Variants in PIP5K1B observed in about 807,000 individuals in gnomAD.
PIP5K1B encodes the protein phosphatidylinositol-4-phosphate 5-kinase type 1 beta.
In PIP5K1B, 42 loss-of-function variants were observed where a neutral mutation model predicts 67.0. The ratio of observed to expected loss-of-function variants is 0.63; its 90% CI spans 0.49 to 0.81. The LOEUF is 0.81. Ranked by LOEUF, PIP5K1B falls within the 30% of genes least tolerant of loss-of-function variation. The pLI is 0.00. For missense variants in PIP5K1B, 459 were observed against 646.3 expected (o/e 0.71, Z 3.14); for synonymous variants, 214 against 231.4 (o/e 0.92, Z 0.68).
chr9:68,783,337 T>G (rs1344228907), intron 2 of PIP5K1B: 1 of 166,908 alleles, frequency 6.0e-6, no homozygotes, highest in Non-Finnish European at 1.5e-5. Context: ...TCATGTACTT[T>G]TCTTGTGTCT....
chr9:68,970,412 G>A (rs775233034), intron 14 of PIP5K1B, among the ~76,000 whole-genome samples: 2 of 152,162 alleles, frequency 1.3e-5, no homozygotes, highest in Non-Finnish European at 2.9e-5. Flanking sequence ...ACTAGGGTTT[G>A]GTTGTTCCTG....
chr9:68,789,431 C>G, intron 2 of PIP5K1B: 1 of 474,844 alleles, frequency 2.1e-6, no homozygotes, highest in Non-Finnish European at 4.2e-6. Flanking sequence ...TGAAGAAACT[C>G]TGACAAATAG....
At chr9:68,760,303 T>G (rs1240935054) in intron 2 of PIP5K1B, among the ~76,000 whole-genome samples, 1 of 152,016 alleles carries the variant, frequency 6.6e-6, no homozygotes, top group Non-Finnish European at 1.5e-5. Context: ...AACTACTCTT[T>G]CTCTGAAAAA....
At chr9:68,725,931 C>T (rs1828126011) in intron 1 of PIP5K1B, among the ~76,000 whole-genome samples, 1 of 152,158 alleles carries the variant, frequency 6.6e-6, no homozygotes, top group African/African-American at 2.4e-5. Context: ...AATGCTCTGC[C>T]TTGCATACAA....
chr9:68,860,978 A>T (rs1008670900), intron 4 of PIP5K1B, among the ~76,000 whole-genome samples: 7 of 152,204 alleles, frequency 4.6e-5, no homozygotes, highest in African/African-American at 1.7e-4. Context: ...ATAACCAGAA[A>T]GCACTTAGAA....
At chr9:68,848,308 C>T (rs1822299743) in intron 4 of PIP5K1B, among the ~76,000 whole-genome samples, 1 of 152,180 alleles carries the variant, frequency 6.6e-6, no homozygotes, top group African/African-American at 2.4e-5. Flanking sequence ...TCATTTCTTA[C>T]TTCAGGGAAG....
At chr9:68,733,523 G>C (rs148559173) in intron 1 of PIP5K1B, among the ~76,000 whole-genome samples, 103 of 151,720 alleles carry the variant, frequency 6.8e-4, no homozygotes, top group African/African-American at 2.4e-3. Flanking sequence ...ATTTAGATTT[G>C]GGGGAGAACA....
intron 2 of PIP5K1B, chr9:68,783,121 A>C (rs1234638448): frequency 1.2e-5 from 2 of 166,910 alleles, no homozygotes; most frequent in African/African-American, 4.8e-5. Flanking sequence ...TTTAAACTTG[A>C]TATTTTTCGC....
chr9:68,894,038 T>C (rs1177207251), intron 7 of PIP5K1B, among the ~76,000 whole-genome samples: 3 of 152,222 alleles, frequency 2.0e-5, no homozygotes, highest in Non-Finnish European at 4.4e-5. Context: ...TTTGGCTACC[T>C]TAGAGAATAG....
intron 14 of PIP5K1B, among the ~76,000 whole-genome samples, chr9:68,974,945 T>C (rs564210985): frequency 6.6e-6 from 1 of 152,384 alleles, no homozygotes; most frequent in Non-Finnish European, 1.5e-5. Context: ...GGTGACAACC[T>C]GAGTAGAGTC....
intron 15 of PIP5K1B, among the ~76,000 whole-genome samples, chr9:69,007,680 A>C (rs1056997294): frequency 1.3e-5 from 2 of 152,052 alleles, no homozygotes; most frequent in Non-Finnish European, 2.9e-5. Flanking sequence ...ACACAGTGAA[A>C]CCCCATCTCT....
intron 14 of PIP5K1B, among the ~76,000 whole-genome samples, chr9:68,957,931 TG>T (rs1828488652): frequency 6.6e-6 from 1 of 151,842 alleles, no homozygotes; most frequent in Non-Finnish European, 1.5e-5. Context: ...TGGAGTGCAG[TG>T]GTGCAATCTC....
chr9:68,858,403 A>G (rs751926429), intron 4 of PIP5K1B, among the ~76,000 whole-genome samples: 2 of 152,216 alleles, frequency 1.3e-5, no homozygotes, highest in Non-Finnish European at 2.9e-5. Context: ...AGATCTTCTC[A>G]GAAACAGAGA....
intron 1 of PIP5K1B, among the ~76,000 whole-genome samples, chr9:68,736,008 G>A (rs1237604363): frequency 6.6e-6 from 1 of 152,188 alleles, no homozygotes; most frequent in African/African-American, 2.4e-5. Context: ...GTAATGAGAT[G>A]GAGTGAGTGA....
chr9:68,952,431 C>T (rs986018807), intron 14 of PIP5K1B, among the ~76,000 whole-genome samples: 6 of 152,148 alleles, frequency 3.9e-5, no homozygotes, highest in African/African-American at 1.2e-4. Flanking sequence ...TTCTAGTAAC[C>T]TCTTGTCTGT....
intron 4 of PIP5K1B, among the ~76,000 whole-genome samples, chr9:68,857,228 T>C (rs554446414): frequency 6.6e-6 from 1 of 152,328 alleles, no homozygotes; most frequent in Admixed American, 6.5e-5. Flanking sequence ...GTTTGCATTT[T>C]TTTAAGCCAC....
chr9:68,936,960 C>A (rs1326603940), intron 13 of PIP5K1B, among the ~76,000 whole-genome samples: 1 of 152,094 alleles, frequency 6.6e-6, no homozygotes, highest in Non-Finnish European at 1.5e-5. Context: ...GGGATGAAGC[C>A]GACTTGATCA....
chr9:68,923,084 T>C (rs1826493468), intron 11 of PIP5K1B, among the ~76,000 whole-genome samples: 1 of 152,176 alleles, frequency 6.6e-6, no homozygotes, highest in Non-Finnish European at 1.5e-5. Flanking sequence ...AGTTTGGTCT[T>C]GAGTGTCTAG....
intron 4 of PIP5K1B, among the ~76,000 whole-genome samples, chr9:68,834,527 A>G (rs141126318): frequency 6.6e-6 from 1 of 152,268 alleles, no homozygotes; most frequent in Non-Finnish European, 1.5e-5. Context: ...AATTATTTTG[A>G]CATCCAGAGG....
Sources: allele counts gnomAD v4.1 joint callset (sites outside exome capture counted in the v4.1 genomes callset), GRCh38; gene constraint gnomAD v4.1.1; transcripts MANE v1.5; gene names NCBI Gene and HGNC (gene_info 2026-07-23, HGNC 2026-07-21).